The following RCOR1 variants were observed in gnomAD, a reference collection of about 807,000 sequenced individuals.
RCOR1 encodes REST corepressor.
RCOR1 carries 12 observed loss-of-function variants against 64.0 expected under a neutral mutation model. The observed-to-expected ratio is 0.19, with a 90% CI of 0.12 to 0.30. RCOR1 has a LOEUF of 0.30. RCOR1 is among the 10% of genes least tolerant of loss of function. The probability of loss-of-function intolerance (pLI) is 1.00; values close to 1 mark genes in which losing one functional copy is unlikely to be tolerated. For synonymous variants in RCOR1, 279 were observed against 227.2 expected (o/e 1.23, Z -2.05); for missense variants, 502 against 621.2 (o/e 0.81, Z 2.04).
At chr14:102,692,099 T>C (rs1398000464) in intron 3 of RCOR1, among the ~76,000 whole-genome samples, 2 of 152,256 alleles carry the variant, frequency 1.3e-5, no homozygotes, top group Non-Finnish European at 2.9e-5. Context: ...CTGTTTCATA[T>C]ACCAAGGAAT....
At chr14:102,670,770 A>T (rs1369936353) in intron 2 of RCOR1, among the ~76,000 whole-genome samples, 1 of 149,836 alleles carries the variant, frequency 6.7e-6, no homozygotes, top group Non-Finnish European at 1.5e-5. Context: ...TATTTATTTT[A>T]CTTATTTATT....
intron 2 of RCOR1, among the ~76,000 whole-genome samples, chr14:102,608,293 G>A (rs1249191476): frequency 6.6e-6 from 1 of 152,132 alleles, no homozygotes; most frequent in Non-Finnish European, 1.5e-5. Flanking sequence ...GAACTTTCAC[G>A]TAAATGGGTA....
At chr14:102,601,125 G>A (rs1260852176) in intron 2 of RCOR1, among the ~76,000 whole-genome samples, 1 of 152,022 alleles carries the variant, frequency 6.6e-6, no homozygotes, top group Non-Finnish European at 1.5e-5. Context: ...GGCTGCAAAG[G>A]TTGCAGTGAG....
chr14:102,629,906 G>A (rs1267316892), intron 2 of RCOR1: 3 of 601,698 alleles, frequency 5.0e-6, no homozygotes, highest in Non-Finnish European at 6.3e-6. Context: ...GGCCTCAAGT[G>A]GTAAGTGGCA....
intron 2 of RCOR1, among the ~76,000 whole-genome samples, chr14:102,610,020 C>T (rs1310331560): frequency 6.6e-6 from 1 of 151,928 alleles, no homozygotes; most frequent in Non-Finnish European, 1.5e-5. Context: ...GTTCCAGCTA[C>T]TCGGGAGGCT....
chr14:102,679,571 C>T (rs924114075), intron 2 of RCOR1, among the ~76,000 whole-genome samples: 6 of 151,890 alleles, frequency 4.0e-5, no homozygotes, highest in South Asian at 2.1e-4. Flanking sequence ...CTCCGCCTCT[C>T]GCGTTCACGC....
At chr14:102,672,350 C>T (rs1895047942) in intron 2 of RCOR1, among the ~76,000 whole-genome samples, 1 of 152,058 alleles carries the variant, frequency 6.6e-6, no homozygotes, top group Non-Finnish European at 1.5e-5. Flanking sequence ...GCTGGGACTA[C>T]AGGCGCCCGC....
intron 8 of RCOR1, among the ~76,000 whole-genome samples, chr14:102,718,138 A>G (rs1037238756): frequency 1.1e-4 from 16 of 152,216 alleles, no homozygotes; most frequent in Admixed American, 2.0e-4. Flanking sequence ...GTGTTCAGTC[A>G]TGCTCTCAGG....
intron 4 of RCOR1, among the ~76,000 whole-genome samples, chr14:102,706,937 A>ACC (rs926089670): frequency 3.9e-5 from 6 of 152,038 alleles, no homozygotes; most frequent in African/African-American, 1.2e-4. Context: ...CTTAACAAAT[A>ACC]CCACCTTCCC....
chr14:102,719,007 T>C (rs961684354), intron 8 of RCOR1, among the ~76,000 whole-genome samples: 5 of 152,088 alleles, frequency 3.3e-5, no homozygotes, highest in Admixed American at 6.6e-5. Context: ...CCCAGGCTGT[T>C]CTTGAACTCC....
chr14:102,721,391 C>A lies in RCOR1; in HGVS notation c.1189+14C>A. 5 of 1,608,608 alleles carry A rather than the reference C, an allele frequency of 3.1e-6. No individual in the cohort carries two copies. The highest frequency in any genetic ancestry group is 4.3e-6 in the Non-Finnish European group (5 of 1,175,162). ...TCGCCGTACAAGGTAGGGGGAAGTT[C>A]TTCTAAAGAGTTTAGGAGGCCGGCT... On this transcript the variant is annotated intron_variant, in intron 10 of 11. Coordinates refer to ENST00000262241, the MANE Select transcript of RCOR1 (RefSeq NM_015156.4).
intron 3 of RCOR1, among the ~76,000 whole-genome samples, chr14:102,694,444 T>G (rs968824627): frequency 6.6e-6 from 1 of 152,064 alleles, no homozygotes; most frequent in Non-Finnish European, 1.5e-5. Context: ...TTTGTTTTTG[T>G]TTTTGTATTT....
At chr14:102,646,792 CATG>C (rs1307897801) in intron 2 of RCOR1, among the ~76,000 whole-genome samples, 2 of 152,236 alleles carry the variant, frequency 1.3e-5, no homozygotes, top group African/African-American at 2.4e-5. Context: ...AAGGAACTGT[CATG>C]ATATTTGCAT....
intron 2 of RCOR1, among the ~76,000 whole-genome samples, chr14:102,677,346 C>G (rs1487910702): frequency 7.1e-6 from 1 of 141,246 alleles, no homozygotes; most frequent in African/African-American, 2.8e-5. Context: ...CTGACCCCCC[C>G]CCCACCTCCC....
chr14:102,707,151 C>T (rs571978626), intron 4 of RCOR1, among the ~76,000 whole-genome samples, 200 bp from the exon 5 acceptor site: 2 of 151,998 alleles, frequency 1.3e-5, no homozygotes, highest in East Asian at 3.9e-4. Flanking sequence ...AAAATTACAT[C>T]ACCTGAAAAA....
intron 11 of RCOR1, among the ~76,000 whole-genome samples, chr14:102,726,070 T>A (rs540992851): frequency 3.3e-5 from 5 of 152,082 alleles, no homozygotes; most frequent in African/African-American, 1.2e-4. Flanking sequence ...GGCCCACACA[T>A]GTAATCCCAG....
intron 2 of RCOR1, among the ~76,000 whole-genome samples, chr14:102,681,018 A>G (rs900031457): frequency 6.6e-6 from 1 of 152,156 alleles, no homozygotes; most frequent in African/African-American, 2.4e-5. Context: ...TCTTTATGAA[A>G]CCTAGAACAC....
intron 8 of RCOR1, among the ~76,000 whole-genome samples, chr14:102,715,527 G>A (rs1386433858): frequency 1.3e-5 from 2 of 151,506 alleles, no homozygotes; most frequent in Non-Finnish European, 2.9e-5. Flanking sequence ...GAGTACAGGC[G>A]CTTGTCATCA....
intron 2 of RCOR1, among the ~76,000 whole-genome samples, chr14:102,601,808 C>CT (rs2139880491): frequency 6.6e-6 from 1 of 152,304 alleles, no homozygotes; most frequent in East Asian, 1.9e-4. Flanking sequence ...AACTACACTC[C>CT]TTGCAACATT....
Sources: gnomAD v4.1 joint callset for allele counts (sites outside exome capture counted in the v4.1 genomes callset) on GRCh38, gnomAD v4.1.1 for gene constraint, MANE v1.5 for transcripts, NCBI Gene and HGNC (gene_info 2026-07-23, HGNC 2026-07-21) for gene names.